TRPM1: variants seen among roughly 807,000 people sequenced by gnomAD.
The protein encoded by TRPM1 is TRPM1-203 APA Isoform, Intron 10.
Under a neutral mutation model 149.4 loss-of-function variants are expected in TRPM1, and 113 were observed. The ratio of observed to expected loss-of-function variants is 0.76; its 90% CI spans 0.65 to 0.88. The LOEUF (loss-of-function observed/expected upper bound fraction) is 0.88, where lower values mean the gene tolerates loss of function less well. Among genes scored for constraint, TRPM1 ranks in the 40% least tolerant of loss-of-function variants. The pLI is 0.00. For synonymous variants in TRPM1, 741 were observed against 759.5 expected (o/e 0.98, Z 0.40); for missense variants, 1,976 against 2,038.7 (o/e 0.97, Z 0.59).
chr15:31,133,353 A>G (rs2036045096), intron 1 of TRPM1, among the ~76,000 whole-genome samples: 1 of 152,144 alleles, frequency 6.6e-6, no homozygotes, highest in Non-Finnish European at 1.5e-5. Flanking sequence ...GGATCACTTG[A>G]GGTCAGGAGT....
intron 1 of TRPM1, among the ~76,000 whole-genome samples, chr15:31,160,521 C>T (rs2036431247): frequency 6.6e-6 from 1 of 152,178 alleles, no homozygotes; most frequent in Non-Finnish European, 1.5e-5. Flanking sequence ...TGATGCAGAA[C>T]AGAGGGTGAG....
At chr15:31,041,068 G>A (rs2033601628) in intron 17 of TRPM1, among the ~76,000 whole-genome samples, 1 of 152,138 alleles carries the variant, frequency 6.6e-6, no homozygotes. Context: ...GGTGGCACAA[G>A]CTGAATTTTG....
At chr15:31,093,003 G>A (rs1358439807) in intron 1 of TRPM1, among the ~76,000 whole-genome samples, 1 of 152,234 alleles carries the variant, frequency 6.6e-6, no homozygotes, top group Admixed American at 6.5e-5. Context: ...GTTCATGCCT[G>A]TAATCCCAGC....
chr15:31,104,760 A>AT (rs946518803), upstream of TRPM1, among the ~76,000 whole-genome samples: 8 of 151,356 alleles, frequency 5.3e-5, no homozygotes, highest in South Asian at 2.1e-4. Flanking sequence ...CGCCCGGCCA[A>AT]TTTTTTTGTA....
chr15:31,046,531 G>A (rs894346053), intron 15 of TRPM1, among the ~76,000 whole-genome samples: 2 of 152,162 alleles, frequency 1.3e-5, no homozygotes, highest in Non-Finnish European at 2.9e-5. Context: ...GGGTGTGAGA[G>A]GAGGGCATCA....
intron 1 of TRPM1, among the ~76,000 whole-genome samples, chr15:31,155,809 A>C (rs1351536504): frequency 6.6e-6 from 1 of 152,186 alleles, no homozygotes. Context: ...CATGCCTTAC[A>C]GACCATAAAA....
chr15:31,096,158 G>C (rs11632661), intron 1 of TRPM1, among the ~76,000 whole-genome samples: 25,854 of 151,358 alleles, frequency 0.17, 2,431 homozygotes, highest in African/African-American at 0.25. Context: ...GAGGGAGGAA[G>C]GGAGGGAAAA....
Position 31,033,062 on chromosome 15 carries a change from C to A in TRPM1, c.2701-122G>T. ...CATCTGGCCCCTTTCCTACTCAAAA[C>A]GTTTAAACACTCTTCTTCTCAGGCA... is the stretch of plus-strand genomic sequence containing the variant. On this transcript the variant is annotated intron_variant, in intron 21 of 27. Coordinates refer to ENST00000256552, the MANE Select transcript of TRPM1 (RefSeq NM_001252024.2). 3 of 1,320,002 alleles carry A rather than the reference C, an allele frequency of 2.3e-6. No homozygotes were observed. The South Asian group carries it at 3.6e-5, about 16-fold the overall frequency. 81.8% of individuals were successfully genotyped at this position (1,320,002 alleles called of 1,614,324 possible).
intron 1 of TRPM1, among the ~76,000 whole-genome samples, chr15:31,120,959 G>T (rs564740552): frequency 9.2e-5 from 14 of 152,078 alleles, no homozygotes; most frequent in Non-Finnish European, 1.3e-4. Context: ...CTTGGTGCAG[G>T]GGCTCACGCC....
chr15:31,143,768 T>C (rs1029391831), intron 1 of TRPM1, among the ~76,000 whole-genome samples: 4 of 152,242 alleles, frequency 2.6e-5, no homozygotes, highest in East Asian at 1.9e-4. Context: ...AAGCTATCTA[T>C]AGCTTACAGC....
intron 1 of TRPM1, among the ~76,000 whole-genome samples, chr15:31,088,839 G>C (rs2035106041): frequency 6.7e-6 from 1 of 149,572 alleles, no homozygotes. Flanking sequence ...GTACCGGGGC[G>C]ATGCGATAAG....
intron 16 of TRPM1, among the ~76,000 whole-genome samples, chr15:31,045,074 T>C (rs1488512421): frequency 6.6e-6 from 1 of 152,076 alleles, no homozygotes; most frequent in Non-Finnish European, 1.5e-5. Context: ...CAAACCTTCA[T>C]GGAATAAATA....
chr15:31,017,378 TTTTG>T (rs1333609452), intron 27 of TRPM1, among the ~76,000 whole-genome samples: 1 of 152,178 alleles, frequency 6.6e-6, no homozygotes, highest in African/African-American at 2.4e-5. Flanking sequence ...TCATGACTCT[TTTTG>T]TTTAATTTGG....
At chr15:31,076,086 T>C (rs1367155907) in intron 3 of TRPM1, among the ~76,000 whole-genome samples, 1 of 151,814 alleles carries the variant, frequency 6.6e-6, no homozygotes, top group African/African-American at 2.4e-5. Flanking sequence ...GGGGAGACTT[T>C]TGTGACCGTT....
Position 31,038,037 on chromosome 15 carries a change from C to T in TRPM1, c.2439+7G>A. 6.2e-7 allele frequency: 1 copy of T among 1,614,088 alleles called. No homozygotes were observed. Among genetic ancestry groups the T allele is most frequent in the Non-Finnish European group, 8.5e-7 (1 of 1,179,986 alleles). On this transcript the variant is annotated splice_region_variant and intron_variant, in intron 19 of 27. Transcript: ENST00000256552. ...CTGATATGCTTAGGGTCAAGTGTGT[C>T]ACTGACCGTATTTTCCTCTTCTTTT...
exon 1 of TRPM1, chr15:31,161,045 A>C: frequency 7.3e-7 from 1 of 1,361,336 alleles, no homozygotes; most frequent in Non-Finnish European, 1.0e-6. Context: ...CTGGGTGGGC[A>C]GGAGCGGAGC....
chr15:31,029,264 A>C, intron 24 of TRPM1, 107 bp downstream of exon 24: 1 of 1,217,720 alleles, frequency 8.2e-7, no homozygotes, highest in Non-Finnish European at 1.2e-6. Context: ...ACCAAAAAAC[A>C]AGAGAAGTAT....
Position 31,035,619 on chromosome 15 carries a change from T to TGGG in TRPM1, c.2626_2627insCCC (p.Asp876delinsAlaHis). 6.2e-7 allele frequency: 1 copy of TGGG among 1,614,180 alleles called. No homozygotes were observed. The highest frequency in any genetic ancestry group is 1.7e-5 in the Admixed American group (1 of 60,018). On this transcript the variant is annotated protein_altering_variant, in exon 21 of 28. Transcript: ENST00000256552. The stretch of plus-strand genomic sequence containing the variant: ...CCACTCCTGGAGGGACGGCCAGCCA[T>TGGG]CCATCCGCACCAGGATGACGTAGTT...
intron 1 of TRPM1, among the ~76,000 whole-genome samples, chr15:31,156,275 G>GC (rs2036376387): frequency 6.6e-6 from 1 of 150,986 alleles, no homozygotes; most frequent in Admixed American, 6.6e-5. Flanking sequence ...TTTTGAAATG[G>GC]CCCGCCATCT....
Sources: gnomAD v4.1 joint callset for allele counts (sites outside exome capture counted in the v4.1 genomes callset) on GRCh38, gnomAD v4.1.1 for gene constraint, MANE v1.5 for transcripts, NCBI Gene and HGNC (gene_info 2026-07-23, HGNC 2026-07-21) for gene names.